RAB11FIP4: variants seen among roughly 807,000 people sequenced by gnomAD.
The protein encoded by RAB11FIP4 is RAB11 family interacting protein 4.
In RAB11FIP4, 23 loss-of-function variants were observed where a neutral mutation model predicts 74.3. That is an observed-to-expected ratio of 0.31 (90% CI 0.22 to 0.44). RAB11FIP4 has a LOEUF of 0.44. Among genes scored for constraint, RAB11FIP4 ranks in the 20% least tolerant of loss-of-function variants. The probability of loss-of-function intolerance (pLI) is 1.00; values close to 1 mark genes in which losing one functional copy is unlikely to be tolerated. For synonymous variants in RAB11FIP4, 360 were observed against 359.9 expected (o/e 1.00, Z 0.00); for missense variants, 630 against 863.9 (o/e 0.73, Z 3.39).
intron 3 of RAB11FIP4, 113 bp downstream of exon 3, chr17:31,434,235 T>C: frequency 3.7e-6 from 3 of 815,754 alleles, no homozygotes; most frequent in Non-Finnish European, 6.0e-6. Context: ...CTGAGGACCC[T>C]TCTTGAGCAT....
chr17:31,527,770 T>C, intron 10 of RAB11FIP4, 72 bp from the exon 11 acceptor site: 1 of 1,130,976 alleles, frequency 8.8e-7, no homozygotes, highest in South Asian at 1.4e-5. Context: ...AGAGAATCAC[T>C]GCAGACTGGC....
rs369465054 is a variant in RAB11FIP4, at chr17:31,522,515, G to C, written c.929+120G>C. 3.2e-4 allele frequency: 306 copies of C among 966,230 alleles called. 1 individual carries two copies. In the East Asian group the frequency reaches 4.6e-3, roughly 15 times the overall value. The allele number at this position is 966,230 out of a possible 1,614,324, so 59.9% of individuals were successfully genotyped here. ...CCGCATGTGGCTGAGTGAGCAGAGGGGAACGAGGCCATCCCAGGGCAGTGC... is the reference window on the plus strand; with the variant it reads ...CCGCATGTGGCTGAGTGAGCAGAGGCGAACGAGGCCATCCCAGGGCAGTGC... On this transcript the variant is annotated intron_variant, in intron 7 of 14. Coordinates refer to ENST00000621161, the MANE Select transcript of RAB11FIP4 (RefSeq NM_032932.6).
rs965922322 is a variant in RAB11FIP4, at chr17:31,447,013, C to T, written c.336+12891C>T. ...TAATACAAAAAAGACAGGCGGGTGCCGTGGCTCTCGCCTGTAATCCCAGTA... is the reference window on the plus strand; with the variant it reads ...TAATACAAAAAAGACAGGCGGGTGCTGTGGCTCTCGCCTGTAATCCCAGTA... On this transcript the variant is annotated intron_variant, in intron 3 of 14. Coordinates refer to ENST00000621161, the MANE Select transcript of RAB11FIP4 (RefSeq NM_032932.6). Among the ~76,000 whole-genome samples the T allele has an allele frequency of 4.6e-5, 7 of 151,950 alleles. No individual in the cohort carries two copies. In the East Asian group the frequency reaches 6.0e-4, roughly 13 times the overall value.
At chr17:31,521,516 C>A (rs11653842) in intron 5 of RAB11FIP4, among the ~76,000 whole-genome samples, 156 bp downstream of exon 5, 18 of 151,960 alleles carry the variant, frequency 1.2e-4, no homozygotes, top group Non-Finnish European at 1.5e-5. Flanking sequence ...TTGCTACCTT[C>A]GCACCCTGAT....
intron 3 of RAB11FIP4, among the ~76,000 whole-genome samples, chr17:31,515,822 A>C (rs1041117634): frequency 6.6e-6 from 1 of 152,088 alleles, no homozygotes; most frequent in African/African-American, 2.4e-5. Context: ...ATTTACAGAG[A>C]GCTGCCCCTC....
intron 3 of RAB11FIP4, among the ~76,000 whole-genome samples, chr17:31,445,532 T>TATA (rs2071443858): frequency 1.9e-4 from 7 of 36,592 alleles, no homozygotes; most frequent in African/African-American, 1.2e-3. Flanking sequence ...TTTCCCAATT[T>TATA]TATATATATA....
At chr17:31,453,581 G>C (rs2071547391) in intron 3 of RAB11FIP4, among the ~76,000 whole-genome samples, 1 of 151,740 alleles carries the variant, frequency 6.6e-6, no homozygotes, top group African/African-American at 2.4e-5. Context: ...GTGCATGGAA[G>C]TAGGAGGTCA....
chr17:31,481,550 T>C (rs1362939441), intron 3 of RAB11FIP4, among the ~76,000 whole-genome samples: 1 of 151,642 alleles, frequency 6.6e-6, no homozygotes, highest in African/African-American at 2.4e-5. Flanking sequence ...GAAAGGAGAG[T>C]TGTTTTTGCT....
intron 1 of RAB11FIP4, among the ~76,000 whole-genome samples, chr17:31,406,155 G>A (rs895502958): frequency 3.9e-5 from 6 of 152,264 alleles, no homozygotes; most frequent in Admixed American, 6.5e-5. Context: ...TCCAGAGGGC[G>A]GAAGGGGGGT....
At chr17:31,439,783 G>T (rs980275163) in intron 3 of RAB11FIP4, among the ~76,000 whole-genome samples, 1 of 151,852 alleles carries the variant, frequency 6.6e-6, no homozygotes, top group Non-Finnish European at 1.5e-5. Flanking sequence ...GCTAATTTTT[G>T]TTTTTTTGTT....
chr17:31,488,125 C>T (rs2071933152), intron 3 of RAB11FIP4: 6 of 1,031,668 alleles, frequency 5.8e-6, no homozygotes, highest in Non-Finnish European at 7.0e-6. Context: ...CCCAGAAGTG[C>T]GAGCGGCAGC....
chr17:31,408,423 A>G (rs2071062256), intron 1 of RAB11FIP4, among the ~76,000 whole-genome samples: 1 of 152,254 alleles, frequency 6.6e-6, no homozygotes, highest in South Asian at 2.1e-4. Context: ...TAAATGTTTA[A>G]TATTTAATGT....
chr17:31,428,721 G>A (rs2151626603), intron 1 of RAB11FIP4, among the ~76,000 whole-genome samples: 1 of 152,266 alleles, frequency 6.6e-6, no homozygotes, highest in African/African-American at 2.4e-5. Flanking sequence ...ATGAATGAAT[G>A]AATGCTTGTA....
intron 3 of RAB11FIP4, among the ~76,000 whole-genome samples, chr17:31,485,146 A>G (rs2071888894): frequency 6.6e-6 from 1 of 152,220 alleles, no homozygotes; most frequent in Non-Finnish European, 1.5e-5. Context: ...GAAATGTCTT[A>G]TTTCCATTTT....
intron 1 of RAB11FIP4, among the ~76,000 whole-genome samples, chr17:31,429,898 G>C (rs2071290612): frequency 6.6e-6 from 1 of 150,992 alleles, no homozygotes; most frequent in South Asian, 2.1e-4. Flanking sequence ...GGGCTGTCCT[G>C]ATCCCGTGTA....
chr17:31,470,810 C>T (rs1240296142), intron 3 of RAB11FIP4, among the ~76,000 whole-genome samples: 1 of 152,166 alleles, frequency 6.6e-6, no homozygotes, highest in Non-Finnish European at 1.5e-5. Context: ...AATGACCGTC[C>T]CCTATAAACT....
intron 3 of RAB11FIP4, among the ~76,000 whole-genome samples, chr17:31,509,938 G>A (rs1312772572): frequency 6.6e-6 from 1 of 152,144 alleles, no homozygotes; most frequent in South Asian, 2.1e-4. Flanking sequence ...GCAACTCTCT[G>A]TTGAACCAAA....
chr17:31,475,062 T>C (rs2071778278), intron 3 of RAB11FIP4, among the ~76,000 whole-genome samples: 1 of 151,600 alleles, frequency 6.6e-6, no homozygotes, highest in Non-Finnish European at 1.5e-5. Flanking sequence ...GAAGGAGAAA[T>C]GGATGATTCA....
In RAB11FIP4 at chr17:31,525,180, C is replaced by T. The variant is rs767615476; in HGVS notation, c.1224C>T (p.Tyr408=). 150 of 1,549,168 alleles carry T rather than the reference C, an allele frequency of 9.7e-5. 1 individual carries two copies. Among genetic ancestry groups the T allele is most frequent in the African/African-American group, 1.5e-4 (11 of 73,128 alleles). ...EEEARRHREA[Y]GKLEREKATE... is the part of the protein sequence containing the mutation. ...AGGCGCGGCGCCACCGCGAGGCCTA[C>T]GGCAAGCTGGAGAGGGAGAAGGCTA... The change falls in exon 10 of 15, where the codon TAC becomes TAT. Residue 408 remains tyrosine, a synonymous_variant. Coordinates refer to ENST00000621161, the MANE Select transcript of RAB11FIP4 (RefSeq NM_032932.6).
Sources: gnomAD v4.1 joint callset for allele counts (sites outside exome capture counted in the v4.1 genomes callset) on GRCh38, gnomAD v4.1.1 for gene constraint, MANE v1.5 for transcripts, NCBI Gene and HGNC (gene_info 2026-07-23, HGNC 2026-07-21) for gene names.